Variants in CSMD3 observed in about 807,000 individuals in gnomAD.
CSMD3 encodes the protein CUB and Sushi multiple domains 3.
A neutral mutation model predicts 435.2 loss-of-function variants in CSMD3; 177 were observed. The observed-to-expected ratio is 0.41, with a 90% confidence interval of 0.36 to 0.46. CSMD3 has a LOEUF of 0.46. Among genes scored for constraint, CSMD3 ranks in the 20% least tolerant of loss-of-function variants. The pLI is 0.34. For missense variants in CSMD3, 4,265 were observed against 4,504.6 expected, an observed-to-expected ratio of 0.95 and a Z score of 1.52; for synonymous variants, 1,656 against 1,520.5, an observed-to-expected ratio of 1.09 and a Z score of -2.07.
chr8:112,713,516 A>G (rs1026502455), intron 13 of CSMD3, among the ~76,000 whole-genome samples: 4 of 152,074 alleles, frequency 2.6e-5, no homozygotes, highest in Non-Finnish European at 5.9e-5. Context: ...GATATTATCC[A>G]GGAGAACTTC....
At chr8:112,616,500 TGTCAAGTA>T (rs1198338290) in intron 22 of CSMD3, among the ~76,000 whole-genome samples, 2 of 152,248 alleles carry the variant, frequency 1.3e-5, no homozygotes, top group African/African-American at 4.8e-5. Context: ...ATTATGGCAT[TGTCAAGTA>T]GTCAAGTAGT....
intron 5 of CSMD3, among the ~76,000 whole-genome samples, chr8:113,032,248 T>C (rs567739038): frequency 6.6e-6 from 1 of 151,446 alleles, no homozygotes; most frequent in Admixed American, 6.6e-5. Context: ...GTTTGGAGGG[T>C]TCAGAAGACA....
chr8:113,066,390 T>TA (rs1321520700), intron 5 of CSMD3, among the ~76,000 whole-genome samples: 6 of 150,392 alleles, frequency 4.0e-5, no homozygotes, highest in South Asian at 2.1e-4. Context: ...GGACTTCAGT[T>TA]AAAAAAAAAG....
At chr8:112,634,761 A>G (rs2074609626) in intron 22 of CSMD3, among the ~76,000 whole-genome samples, 1 of 151,710 alleles carries the variant, frequency 6.6e-6, no homozygotes, top group Non-Finnish European at 1.5e-5. Flanking sequence ...TTTTTTTTCA[A>G]CCTATGTAAC....
intron 16 of CSMD3, among the ~76,000 whole-genome samples, chr8:112,681,113 C>T (rs1396860990): frequency 6.6e-6 from 1 of 151,420 alleles, no homozygotes; most frequent in Non-Finnish European, 1.5e-5. Context: ...CAGCTCACTG[C>T]AACCTCTGCC....
intron 21 of CSMD3, among the ~76,000 whole-genome samples, chr8:112,638,454 T>A (rs1340893566): frequency 6.6e-6 from 1 of 151,198 alleles, no homozygotes; most frequent in Non-Finnish European, 1.5e-5. Context: ...GTAATTATTG[T>A]ACTTCCGGTA....
In CSMD3 at chr8:112,306,096, C is replaced by A. The variant is rs2130787346; in HGVS notation, c.7982G>T (p.Gly2661Val). 1 of 1,613,306 alleles carries A rather than the reference C, an allele frequency of 6.2e-7. No homozygotes were observed. Among genetic ancestry groups the A allele is most frequent in the Non-Finnish European group, 8.5e-7 (1 of 1,179,336 alleles). ...GAGTTCTTTGGATGACAATCGATAT[C>A]CATCATTACAAAAATAGGTAACTCG... ...GTRVTYFCND[G>V]YRLSSKELTT... is the part of the protein sequence containing the mutation. The change falls in exon 51 of 71, where the codon GGA becomes GTA. Residue 2661 changes from glycine to valine, a missense_variant. This residue lies in a region of CSMD3 where 3,255 missense variants were observed against 3,380.2 expected (regional missense o/e 0.96). Coordinates refer to ENST00000297405, the MANE Select transcript of CSMD3 (RefSeq NM_198123.2).
chr8:112,352,919 T>G (rs887492802), intron 38 of CSMD3, among the ~76,000 whole-genome samples: 1 of 151,518 alleles, frequency 6.6e-6, no homozygotes, highest in Non-Finnish European at 1.5e-5. Flanking sequence ...TTTAAAAACA[T>G]TCTTAGCAAA....
At chr8:112,424,736 G>A (rs1261887530) in intron 32 of CSMD3, among the ~76,000 whole-genome samples, 4 of 151,906 alleles carry the variant, frequency 2.6e-5, no homozygotes, top group African/African-American at 9.7e-5. Context: ...TCTGTCACTA[G>A]GCTGGAGTAC....
At chr8:113,405,848 T>A (rs1284041105) in intron 1 of CSMD3, among the ~76,000 whole-genome samples, 1 of 151,834 alleles carries the variant, frequency 6.6e-6, no homozygotes, top group African/African-American at 2.4e-5. Context: ...CATGCTTCCA[T>A]ATTTTTTATT....
At chr8:112,515,716 T>C (rs1445389483) in intron 28 of CSMD3, among the ~76,000 whole-genome samples, 3 of 152,050 alleles carry the variant, frequency 2.0e-5, no homozygotes, top group Non-Finnish European at 4.4e-5. Flanking sequence ...TTCTTTGTCA[T>C]TTGTCTTATT....
chr8:113,200,477 A>C (rs2092705372), intron 3 of CSMD3, among the ~76,000 whole-genome samples: 1 of 151,832 alleles, frequency 6.6e-6, no homozygotes, highest in Non-Finnish European at 1.5e-5. Context: ...CATTTTGTTT[A>C]TAATATCATC....
intron 5 of CSMD3, among the ~76,000 whole-genome samples, chr8:113,089,897 G>C (rs549839954): frequency 3.9e-5 from 6 of 152,126 alleles, no homozygotes; most frequent in East Asian, 3.9e-4. Flanking sequence ...AAAAAAGAAA[G>C]CACCTGCCTT....
At chr8:112,505,681 T>C (rs1411804781) in intron 29 of CSMD3, among the ~76,000 whole-genome samples, 1 of 146,628 alleles carries the variant, frequency 6.8e-6, no homozygotes, top group Non-Finnish European at 1.5e-5. Flanking sequence ...AGTTATTACG[T>C]TTTTTTTCTG....
At position 112,287,265 on chromosome 8, in the gene CSMD3, C is replaced by T. The variant is rs1219704592; in HGVS notation, c.9149-19G>A. 9.9e-6 allele frequency: 16 copies of T among 1,612,172 alleles called. No individual in the cohort carries two copies. Among genetic ancestry groups the T allele is most frequent in the Non-Finnish European group, 1.3e-5 (15 of 1,178,646 alleles). On this transcript the variant is annotated intron_variant, in intron 57 of 70. Transcript: ENST00000297405. Reference sequence around the variant, plus strand: ...GCATCACCTGCAATGCAGTACAGTTCAAGTTAACCAATTCCCATAAACATT... The same window carrying T: ...GCATCACCTGCAATGCAGTACAGTTTAAGTTAACCAATTCCCATAAACATT...
Position 112,313,877 on chromosome 8 carries a change from T to A in CSMD3, c.7696+29A>T, listed in dbSNP as rs1320832479. On this transcript the variant is annotated intron_variant, in intron 49 of 70. Transcript: ENST00000297405. ...AATCATACCGAAGATGATAGTGAGA[T>A]CTGTCCTGAAGTTATAAGTTTTACA... The A allele has an allele frequency of 4.5e-6, 7 of 1,559,616 alleles. No homozygotes were observed. In the South Asian group the frequency reaches 6.7e-5, roughly 15 times the overall value.
At chr8:113,076,954 G>C (rs573352660) in intron 5 of CSMD3, among the ~76,000 whole-genome samples, 20 of 152,142 alleles carry the variant, frequency 1.3e-4, no homozygotes, top group Non-Finnish European at 2.5e-4. Context: ...TATAGAGATG[G>C]AGAAGGTTGC....
chr8:112,889,296 C>A (rs2081707398), intron 10 of CSMD3, among the ~76,000 whole-genome samples: 1 of 151,594 alleles, frequency 6.6e-6, no homozygotes, highest in South Asian at 2.1e-4. Flanking sequence ...CCATTCATTG[C>A]CTCTGGACTC....
intron 23 of CSMD3, among the ~76,000 whole-genome samples, chr8:112,585,264 A>T (rs1366551090): frequency 2.6e-5 from 4 of 151,682 alleles, no homozygotes; most frequent in African/African-American, 9.7e-5. Context: ...TATTTAGTAT[A>T]TAATATTTTC....
Sources: gnomAD v4.1 joint callset for allele counts (sites outside exome capture counted in the v4.1 genomes callset) on GRCh38, gnomAD v4.1.1 for gene constraint, gnomAD v4.1.1 regional missense constraint, MANE v1.5 for transcripts, NCBI Gene and HGNC (gene_info 2026-07-23, HGNC 2026-07-21) for gene names.